Variants in NELL1 observed in about 807,000 individuals in gnomAD.
The protein encoded by NELL1 is protein kinase C-binding protein NELL1.
NELL1 carries 76 observed loss-of-function variants against 107.4 expected under a neutral mutation model. That is an observed-to-expected ratio of 0.71 (90% CI 0.59 to 0.86). The LOEUF (loss-of-function observed/expected upper bound fraction) is 0.86, where lower values mean the gene tolerates loss of function less well. NELL1 is among the 40% of genes least tolerant of loss of function. The probability of loss-of-function intolerance (pLI) is 0.00; values close to 1 mark genes in which losing one functional copy is unlikely to be tolerated. For missense variants in NELL1, 1,024 were observed against 1,005.5 expected (o/e 1.02, Z -0.25); for synonymous variants, 353 against 341.2 (o/e 1.03, Z -0.38).
chr11:21,330,748 G>A (rs1056367829), intron 14 of NELL1, among the ~76,000 whole-genome samples: 4 of 151,892 alleles, frequency 2.6e-5, no homozygotes, highest in Non-Finnish European at 5.9e-5. Flanking sequence ...CTTCTTGGAT[G>A]TGTCAATTCT....
chr11:21,538,950 A>G (rs760365364), intron 16 of NELL1, among the ~76,000 whole-genome samples: 2 of 152,044 alleles, frequency 1.3e-5, no homozygotes, highest in Non-Finnish European at 2.9e-5. Flanking sequence ...TGCTCTTCCT[A>G]AATCCTGCAT....
intron 15 of NELL1, among the ~76,000 whole-genome samples, chr11:21,400,588 CAT>C (rs1366767248): frequency 2.0e-5 from 3 of 151,866 alleles, no homozygotes; most frequent in Admixed American, 6.6e-5. Context: ...AGTTGATAAA[CAT>C]GTGATGTTCT....
At chr11:21,184,931 G>A (rs532637485) in intron 13 of NELL1, among the ~76,000 whole-genome samples, 3 of 151,696 alleles carry the variant, frequency 2.0e-5, no homozygotes, top group African/African-American at 4.9e-5. Flanking sequence ...ATTTTCAAAC[G>A]GCAACTTCAG....
intron 14 of NELL1, among the ~76,000 whole-genome samples, chr11:21,347,334 G>T (rs866298100): frequency 1.3e-5 from 2 of 152,168 alleles, no homozygotes; most frequent in Non-Finnish European, 2.9e-5. Context: ...TGGTCTTGGT[G>T]GCTCATGCCT....
At chr11:21,108,902 A>G (rs1855036685) in intron 12 of NELL1, among the ~76,000 whole-genome samples, 1 of 152,158 alleles carries the variant, frequency 6.6e-6, no homozygotes, top group African/African-American at 2.4e-5. Flanking sequence ...ATTTGTTTCC[A>G]TACACATCAT....
At chr11:21,526,080 G>A (rs1424154032) in intron 15 of NELL1, among the ~76,000 whole-genome samples, 2 of 152,248 alleles carry the variant, frequency 1.3e-5, no homozygotes, top group East Asian at 1.9e-4. Context: ...CCACCTATGA[G>A]TCTGTAAAAT....
intron 16 of NELL1, among the ~76,000 whole-genome samples, chr11:21,546,021 A>C (rs778430004): frequency 6.6e-6 from 1 of 151,796 alleles, no homozygotes; most frequent in Non-Finnish European, 1.5e-5. Context: ...CCCTCAGAAC[A>C]CTCTGAAACT....
At chr11:20,844,216 G>C (rs1021363857) in intron 3 of NELL1, among the ~76,000 whole-genome samples, 3 of 152,146 alleles carry the variant, frequency 2.0e-5, no homozygotes, top group Admixed American at 2.0e-4. Flanking sequence ...GACCAACATG[G>C]GGAAGGCTGC....
intron 13 of NELL1, among the ~76,000 whole-genome samples, chr11:21,117,853 C>T (rs1296172423): frequency 2.6e-5 from 4 of 152,070 alleles, no homozygotes; most frequent in Non-Finnish European, 5.9e-5. Context: ...ACACAAATCA[C>T]ATCTACTTAT....
intron 12 of NELL1, among the ~76,000 whole-genome samples, chr11:20,980,764 CCA>C (rs1278598306): frequency 1.3e-5 from 2 of 152,152 alleles, no homozygotes; most frequent in African/African-American, 4.8e-5. Flanking sequence ...CCCAGGGAGT[CCA>C]AGGCCCTGGG....
Position 20,778,779 on chromosome 11 carries a change from CA to C in NELL1, c.185-4897del, listed in dbSNP as rs902708776. Among the ~76,000 whole-genome samples, 51 of 151,994 alleles carry C rather than the reference CA, an allele frequency of 3.4e-4. 1 individual carries two copies. Among genetic ancestry groups the C allele is most frequent in the Non-Finnish European group, 5.6e-4 (38 of 67,994 alleles). The stretch of plus-strand genomic sequence containing the variant: ...GCCTCCAAGTACACCCCCAGGGTTA[CA>C]AAATGGAAAGCCTCACGGACAGACT... On this transcript the variant is annotated intron_variant, in intron 2 of 19. Transcript: ENST00000357134.
At chr11:20,745,285 A>T (rs903962664) in intron 2 of NELL1, among the ~76,000 whole-genome samples, 2 of 152,202 alleles carry the variant, frequency 1.3e-5, no homozygotes, top group African/African-American at 4.8e-5. Context: ...GAAAATTATA[A>T]GTCTCACACA....
chr11:21,405,382 G>T lies in NELL1; in HGVS notation c.1645+34434G>T, dbSNP rs886176851. Reference sequence around the variant, plus strand: ...AGTTTTGTTTTACCTGTTGTAAAAAGAAACAGGATTCCAATTTTTTCTGTT... The same window carrying T: ...AGTTTTGTTTTACCTGTTGTAAAAATAAACAGGATTCCAATTTTTTCTGTT... On this transcript the variant is annotated intron_variant, in intron 15 of 19. Coordinates refer to ENST00000357134, the MANE Select transcript of NELL1 (RefSeq NM_006157.5). Among the ~76,000 whole-genome samples, 9 of 104,516 alleles carry T rather than the reference G, an allele frequency of 8.6e-5. No individual in the cohort carries two copies. In the South Asian group the frequency reaches 9.6e-4, roughly 11 times the overall value. 68.6% of individuals were successfully genotyped at this position (104,516 alleles called of 152,430 possible).
chr11:20,861,665 C>A (rs997317681), intron 4 of NELL1, among the ~76,000 whole-genome samples: 1 of 152,200 alleles, frequency 6.6e-6, no homozygotes, highest in Non-Finnish European at 1.5e-5. Flanking sequence ...GTGCTCTGAG[C>A]AGGGTCATAA....
chr11:21,179,560 AT>A (rs1295750138), intron 13 of NELL1, among the ~76,000 whole-genome samples: 1 of 151,936 alleles, frequency 6.6e-6, no homozygotes, highest in Admixed American at 6.5e-5. Context: ...GCCAAAATAT[AT>A]AAAAACACAT....
intron 17 of NELL1, among the ~76,000 whole-genome samples, chr11:21,561,258 C>T (rs1439714943): frequency 1.3e-5 from 2 of 151,980 alleles, no homozygotes; most frequent in African/African-American, 4.8e-5. Context: ...CTGAAATGAG[C>T]CTTAAGAAAT....
intron 12 of NELL1, among the ~76,000 whole-genome samples, chr11:21,057,921 TC>T (rs1035810872): frequency 2.6e-5 from 4 of 152,144 alleles, no homozygotes; most frequent in African/African-American, 7.2e-5. Context: ...ATTATTTTTT[TC>T]TTATGCTTTC....
chr11:21,207,747 T>G (rs1377101740), intron 13 of NELL1, among the ~76,000 whole-genome samples: 1 of 152,166 alleles, frequency 6.6e-6, no homozygotes, highest in Non-Finnish European at 1.5e-5. Context: ...TGTCTGTATT[T>G]TACTCACACA....
chr11:20,771,381 C>T (rs1856636879), intron 2 of NELL1, among the ~76,000 whole-genome samples: 1 of 152,150 alleles, frequency 6.6e-6, no homozygotes, highest in African/African-American at 2.4e-5. Flanking sequence ...TCATTGCATC[C>T]TATGCTGAAG....
Sources: gnomAD v4.1 joint callset for allele counts (sites outside exome capture counted in the v4.1 genomes callset) on GRCh38, gnomAD v4.1.1 for gene constraint, MANE v1.5 for transcripts, NCBI Gene and HGNC (gene_info 2026-07-23, HGNC 2026-07-21) for gene names.